The following GALNT10 variants were observed in gnomAD, a reference collection of about 807,000 sequenced individuals.
GALNT10 encodes GalNAc transferase 10.
GALNT10 carries 41 observed loss-of-function variants against 75.0 expected under a neutral mutation model. The ratio of observed to expected loss-of-function variants is 0.55; its 90% CI spans 0.43 to 0.71. GALNT10 has a LOEUF of 0.71. GALNT10 is among the 30% of genes least tolerant of loss of function. The probability of loss-of-function intolerance (pLI) is 0.00; values close to 1 mark genes in which losing one functional copy is unlikely to be tolerated. For missense variants in GALNT10, 727 were observed against 818.5 expected (o/e 0.89, Z 1.36); for synonymous variants, 302 against 313.0 (o/e 0.96, Z 0.37).
intron 8 of GALNT10, chr5:154,406,087 G>C (rs1319164596): frequency 6.6e-6 from 1 of 152,014 alleles, no homozygotes; most frequent in Non-Finnish European, 1.5e-5. Flanking sequence ...AACATGAAAC[G>C]TGATGTTGGC....
intron 1 of GALNT10, among the ~76,000 whole-genome samples, chr5:154,209,477 G>A (rs565888684): frequency 8.2e-4 from 125 of 152,342 alleles, no homozygotes; most frequent in African/African-American, 2.7e-3. Context: ...TATGGACTGT[G>A]TGGCTTAAAC....
At chr5:154,359,533 C>CT (rs1225133030) in intron 4 of GALNT10, among the ~76,000 whole-genome samples, 1 of 67,182 alleles carries the variant, frequency 1.5e-5, no homozygotes, top group Non-Finnish European at 2.9e-5. Flanking sequence ...CTGTTTCTTT[C>CT]TTTAAAAAAA....
At chr5:154,264,127 A>T (rs571162023) in intron 1 of GALNT10, among the ~76,000 whole-genome samples, 1 of 152,188 alleles carries the variant, frequency 6.6e-6, no homozygotes, top group Admixed American at 6.5e-5. Context: ...AGCCTGGCCA[A>T]TGTGGCAAAA....
chr5:154,216,200 G>A (rs1360812239), intron 1 of GALNT10, among the ~76,000 whole-genome samples: 1 of 152,094 alleles, frequency 6.6e-6, no homozygotes, highest in African/African-American at 2.4e-5. Context: ...ATGCTTCAGT[G>A]TTTACATTGT....
chr5:154,233,613 C>T (rs1245077361), intron 1 of GALNT10, among the ~76,000 whole-genome samples: 2 of 152,168 alleles, frequency 1.3e-5, no homozygotes, highest in African/African-American at 4.8e-5. Context: ...TTCTTCAGAG[C>T]ACCCCCCACC....
chr5:154,400,094 T>A (rs1257705840), intron 7 of GALNT10, among the ~76,000 whole-genome samples: 1 of 152,126 alleles, frequency 6.6e-6, no homozygotes, highest in African/African-American at 2.4e-5. Context: ...GCAGTGATTG[T>A]GATACTGTTC....
intron 1 of GALNT10, among the ~76,000 whole-genome samples, chr5:154,204,635 G>A (rs1775077100): frequency 6.6e-6 from 1 of 152,142 alleles, no homozygotes; most frequent in African/African-American, 2.4e-5. Flanking sequence ...ACCTTTGCAT[G>A]TGGTCCTGCC....
At chr5:154,251,291 C>T (rs1753517293) in intron 1 of GALNT10, among the ~76,000 whole-genome samples, 1 of 152,046 alleles carries the variant, frequency 6.6e-6, no homozygotes, top group African/African-American at 2.4e-5. Context: ...AATGTGTACC[C>T]ATATTAGTTT....
chr5:154,216,094 T>C (rs1486497424), intron 1 of GALNT10, among the ~76,000 whole-genome samples: 1 of 152,160 alleles, frequency 6.6e-6, no homozygotes, highest in Non-Finnish European at 1.5e-5. Flanking sequence ...CTGTTCAAGA[T>C]GTTATGGTGA....
At chr5:154,232,797 T>A (rs1753170733) in intron 1 of GALNT10, among the ~76,000 whole-genome samples, 1 of 152,236 alleles carries the variant, frequency 6.6e-6, no homozygotes. Flanking sequence ...GTTGAGTAGC[T>A]ACAACTTGTT....
intron 4 of GALNT10, among the ~76,000 whole-genome samples, chr5:154,369,163 G>A (rs1755524445): frequency 6.6e-6 from 1 of 152,128 alleles, no homozygotes; most frequent in African/African-American, 2.4e-5. Flanking sequence ...CGAAGTGGGT[G>A]GATCACTTCA....
chr5:154,352,599 G>A lies in GALNT10; in HGVS notation c.568+22861G>A, dbSNP rs952007253. Among the ~76,000 whole-genome samples, 1 of 152,166 alleles carries A rather than the reference G, an allele frequency of 6.6e-6. No individual in the cohort carries two copies. The highest frequency in any genetic ancestry group is 6.5e-5 in the Admixed American group (1 of 15,276). ...CTTCCCTGGGCTGGGTGGGCCCCAG[G>A]TACCTACCACTGCTTTCTACCATCT... is the stretch of plus-strand genomic sequence containing the variant. On this transcript the variant is annotated intron_variant, in intron 4 of 11. Coordinates refer to ENST00000297107, the MANE Select transcript of GALNT10 (RefSeq NM_198321.4). The surrounding 1 kb of genome is among the most constrained non-coding windows in gnomAD (Gnocchi z 4.4).
At chr5:154,322,558 G>C (rs79516026) in intron 3 of GALNT10, among the ~76,000 whole-genome samples, 1,580 of 152,170 alleles carry the variant, frequency 0.01, 87 homozygotes, top group Admixed American at 0.072. Context: ...CACAGGTTCC[G>C]GGGATTAGGG....
Position 154,272,850 on chromosome 5 carries a change from C to CT in GALNT10, c.160-21959dup, listed in dbSNP as rs562167372. On this transcript the variant is annotated intron_variant, in intron 1 of 11. Transcript: ENST00000297107. The stretch of plus-strand genomic sequence containing the variant: ...CGGAGTGCTCTGTCTTATATGTACT[C>CT]TTTTTTTACAGACAGGGTCTCACTC... Among the ~76,000 whole-genome samples, 295 of 152,232 alleles carry CT rather than the reference C, an allele frequency of 1.9e-3. 1 individual carries two copies. The highest frequency in any genetic ancestry group is 6.6e-3 in the African/African-American group (274 of 41,522).
chr5:154,267,031 A>G (rs1319002344), intron 1 of GALNT10, among the ~76,000 whole-genome samples: 1 of 152,212 alleles, frequency 6.6e-6, no homozygotes, highest in Non-Finnish European at 1.5e-5. Flanking sequence ...ATTGGATCCC[A>G]TGCCTTTGTA....
At position 154,218,994 on chromosome 5, in the gene GALNT10, A is replaced by G. The variant is rs113815275; in HGVS notation, c.159+27969A>G. 3.1e-3 allele frequency among the ~76,000 whole-genome samples: 476 copies of G among 152,264 alleles called. 6 individuals are homozygous for G. The highest frequency in any genetic ancestry group is 0.01 in the African/African-American group (419 of 41,544). Reference sequence around the variant, plus strand: ...TGATCTTTCCAAAACACATCTGGTCATGTCCTTACCCTGCCCAGAGCCCTC... The same window carrying G: ...TGATCTTTCCAAAACACATCTGGTCGTGTCCTTACCCTGCCCAGAGCCCTC... On this transcript the variant is annotated intron_variant, in intron 1 of 11. Coordinates refer to ENST00000297107, the MANE Select transcript of GALNT10 (RefSeq NM_198321.4).
intron 1 of GALNT10, among the ~76,000 whole-genome samples, chr5:154,204,864 G>T (rs1434020530): frequency 1.3e-5 from 2 of 152,186 alleles, no homozygotes; most frequent in African/African-American, 4.8e-5. Flanking sequence ...TTATTTCTCT[G>T]CTCCAGTAGA....
At position 154,404,215 on chromosome 5, in the gene GALNT10, A is replaced by G; in HGVS notation, c.1164+4A>G. 1 of 1,570,504 alleles carries G rather than the reference A, an allele frequency of 6.4e-7. No individual in the cohort carries two copies. Among genetic ancestry groups the G allele is most frequent in the Non-Finnish European group, 8.7e-7 (1 of 1,153,258 alleles). On this transcript the variant is annotated splice_donor_region_variant and intron_variant, in intron 8 of 11. Coordinates refer to ENST00000297107, the MANE Select transcript of GALNT10 (RefSeq NM_198321.4). ...GGCCGGAGTCAGCCTGGCCCGGGTA[A>G]GGTGGTGGCTTTCCTTGGCGGGTAG...
At chr5:154,224,587 T>C (rs542413992) in intron 1 of GALNT10, among the ~76,000 whole-genome samples, 17 of 152,338 alleles carry the variant, frequency 1.1e-4, no homozygotes, top group African/African-American at 3.8e-4. Context: ...TTTGTACATT[T>C]ATTTATTCAT....
Sources: gnomAD v4.1 joint callset for allele counts (sites outside exome capture counted in the v4.1 genomes callset) on GRCh38, gnomAD v4.1.1 for gene constraint, Gnocchi (gnomAD v3.1) non-coding constraint, MANE v1.5 for transcripts, NCBI Gene and HGNC (gene_info 2026-07-23, HGNC 2026-07-21) for gene names.